The following RBMS3 variants were observed in gnomAD, a reference collection of about 807,000 sequenced individuals.
RBMS3 encodes the protein RNA-binding motif, single-stranded-interacting protein 3.
Under a neutral mutation model 66.8 loss-of-function variants are expected in RBMS3, and 27 were observed. That is an observed-to-expected ratio of 0.40 (90% CI 0.30 to 0.56). The LOEUF is 0.56. Ranked by LOEUF, RBMS3 falls within the 20% of genes least tolerant of loss-of-function variation. The pLI is 0.40. For synonymous variants in RBMS3, 188 were observed against 183.0 expected, an observed-to-expected ratio of 1.03 and a Z score of -0.22; for missense variants, 513 against 549.5, an observed-to-expected ratio of 0.93 and a Z score of 0.66.
chr3:29,767,561 A>G (rs2055989913), intron 6 of RBMS3: 1 of 152,016 alleles, frequency 6.6e-6, no homozygotes, highest in African/African-American at 2.4e-5. Context: ...TCGAATAAAT[A>G]AAGCATGGGG....
rs187259436 is a variant in RBMS3 at position 29,413,681 on chromosome 3, G to A, written c.76-21062G>A. On this transcript the variant is annotated intron_variant, in intron 1 of 14. Coordinates refer to ENST00000383767, the MANE Select transcript of RBMS3 (RefSeq NM_001003793.3). ...ATAACTTTCATTCACATAAGACATA[G>A]GAGGTCATTTTTCCCTTGGATCCTC... 2.8e-3 allele frequency among the ~76,000 whole-genome samples: 422 copies of A among 152,238 alleles called. 2 individuals carry two copies. Among genetic ancestry groups the A allele is most frequent in the Non-Finnish European group, 4.3e-3 (290 of 68,000 alleles).
intron 1 of RBMS3, among the ~76,000 whole-genome samples, chr3:29,419,356 C>T (rs954296007): frequency 4.6e-5 from 7 of 152,108 alleles, no homozygotes; most frequent in African/African-American, 1.7e-4. Context: ...CTCATAACAG[C>T]ATTTATTGTA....
chr3:29,985,921 A>C (rs1377333407), intron 12 of RBMS3, among the ~76,000 whole-genome samples: 2 of 152,222 alleles, frequency 1.3e-5, no homozygotes, highest in Admixed American at 1.3e-4. Flanking sequence ...TATGGCCACA[A>C]GTCATGTTTC....
intron 2 of RBMS3, among the ~76,000 whole-genome samples, chr3:29,466,182 C>G (rs1379205407): frequency 6.6e-6 from 1 of 151,964 alleles, no homozygotes; most frequent in African/African-American, 2.4e-5. Flanking sequence ...ATAGTCATTT[C>G]TGCACACCAA....
At chr3:29,731,301 C>A (rs1227367118) in intron 4 of RBMS3, among the ~76,000 whole-genome samples, 1 of 152,106 alleles carries the variant, frequency 6.6e-6, no homozygotes, top group Non-Finnish European at 1.5e-5. Context: ...AAAAGTATTT[C>A]TTGGGGACAT....
At chr3:29,387,177 A>T (rs1048358869) in intron 1 of RBMS3, among the ~76,000 whole-genome samples, 3 of 152,304 alleles carry the variant, frequency 2.0e-5, no homozygotes, top group African/African-American at 7.2e-5. Context: ...TATCATGATG[A>T]TCCTCAAATT....
rs2049101340 is a variant in RBMS3 at position 29,627,314 on chromosome 3, CTT to C, written c.399+40110_399+40111del. On this transcript the variant is annotated intron_variant, in intron 4 of 14. Transcript: ENST00000383767. ...TCTCTCTCTCTGTCTCTCTCTCTCT[CTT>C]CTGCCTCGCTAACTTTAAAGCAGAG... Among the ~76,000 whole-genome samples, 3 of 151,792 alleles carry C rather than the reference CTT, an allele frequency of 2.0e-5. No individual in the cohort carries two copies. In the South Asian group the frequency reaches 6.3e-4, roughly 32 times the overall value.
intron 4 of RBMS3, among the ~76,000 whole-genome samples, chr3:29,675,013 G>A (rs2051180616): frequency 6.6e-6 from 1 of 152,094 alleles, no homozygotes; most frequent in South Asian, 2.1e-4. Context: ...ATACTACAAG[G>A]CTACAGTAAC....
At chr3:29,348,061 G>A (rs889306023) in intron 1 of RBMS3, among the ~76,000 whole-genome samples, 8 of 151,528 alleles carry the variant, frequency 5.3e-5, no homozygotes, top group Non-Finnish European at 7.4e-5. Context: ...TTTTTCCATC[G>A]TTTTCCTCTT....
chr3:29,387,580 T>C (rs566382298), intron 1 of RBMS3, among the ~76,000 whole-genome samples: 3 of 152,142 alleles, frequency 2.0e-5, no homozygotes, highest in African/African-American at 7.2e-5. Flanking sequence ...CAATCTGTTC[T>C]CCACCGTGCA....
At chr3:29,963,527 C>T (rs1444636890) in intron 12 of RBMS3, among the ~76,000 whole-genome samples, 1 of 152,084 alleles carries the variant, frequency 6.6e-6, no homozygotes, top group East Asian at 1.9e-4. Context: ...AAGAGAATCA[C>T]AATGAACATT....
chr3:29,916,076 A>T (rs577503323), intron 10 of RBMS3, among the ~76,000 whole-genome samples: 1 of 152,156 alleles, frequency 6.6e-6, no homozygotes, highest in Non-Finnish European at 1.5e-5. Flanking sequence ...CAGGCATATG[A>T]TGAGAAATGT....
At chr3:29,398,576 A>G (rs1392496302) in intron 1 of RBMS3, among the ~76,000 whole-genome samples, 1 of 152,196 alleles carries the variant, frequency 6.6e-6, no homozygotes, top group Non-Finnish European at 1.5e-5. Flanking sequence ...ATTAGAGATG[A>G]AAAGATCTTT....
At chr3:29,592,195 TACAC>T (rs68074936) in intron 4 of RBMS3, among the ~76,000 whole-genome samples, 22,112 of 149,138 alleles carry the variant, frequency 0.15, 1,847 homozygotes, top group East Asian at 0.32. Flanking sequence ...CAAACACACA[TACAC>T]ACACACACAC....
At chr3:29,850,212 G>T (rs1213267467) in intron 6 of RBMS3, among the ~76,000 whole-genome samples, 1 of 152,138 alleles carries the variant, frequency 6.6e-6, no homozygotes, top group African/African-American at 2.4e-5. Flanking sequence ...AGAGAGAAAA[G>T]AGCTTATTAA....
intron 1 of RBMS3, among the ~76,000 whole-genome samples, chr3:29,431,839 C>A (rs566587204): frequency 6.6e-6 from 1 of 152,106 alleles, no homozygotes; most frequent in East Asian, 1.9e-4. Context: ...GAACCTCCCA[C>A]CTCGGCCTCC....
intron 5 of RBMS3, among the ~76,000 whole-genome samples, chr3:29,746,968 C>G (rs1286409116): frequency 6.6e-6 from 1 of 152,138 alleles, no homozygotes; most frequent in African/African-American, 2.4e-5. Context: ...TTTGTTACCT[C>G]CAGATTAGAA....
chr3:29,869,009 T>C (rs1277674536), intron 7 of RBMS3, 45 bp downstream of exon 7: 1 of 1,486,448 alleles, frequency 6.7e-7, no homozygotes, highest in African/African-American at 1.4e-5. Flanking sequence ...TGGCAGTAGA[T>C]ATCCCTCAGA....
At chr3:29,977,570 AC>A (rs993773214) in intron 12 of RBMS3, among the ~76,000 whole-genome samples, 1 of 152,044 alleles carries the variant, frequency 6.6e-6, no homozygotes, top group Non-Finnish European at 1.5e-5. Flanking sequence ...CAGTGTCTAG[AC>A]TTTTTGGAAC....
Sources: gnomAD v4.1 joint callset for allele counts (sites outside exome capture counted in the v4.1 genomes callset) on GRCh38, gnomAD v4.1.1 for gene constraint, MANE v1.5 for transcripts, NCBI Gene and HGNC (gene_info 2026-07-23, HGNC 2026-07-21) for gene names.